Variants in ZDHHC21 observed in about 807,000 individuals in gnomAD.
ZDHHC21 encodes the protein zDHHC palmitoyltransferase 21.
A neutral mutation model predicts 34.6 loss-of-function variants in ZDHHC21; 15 were observed. The ratio of observed to expected loss-of-function variants is 0.43; its 90% CI spans 0.29 to 0.67. The LOEUF is 0.67. Ranked by LOEUF, ZDHHC21 falls within the 30% of genes least tolerant of loss-of-function variation. The pLI, the probability that ZDHHC21 is intolerant of heterozygous loss-of-function variation, is 0.14. For synonymous variants in ZDHHC21, 142 were observed against 101.8 expected (o/e 1.40, Z -2.38); for missense variants, 344 against 327.7 (o/e 1.05, Z -0.38).
At chr9:14,662,390 A>T (rs1047968894) in intron 5 of ZDHHC21, 64 bp from the exon 6 acceptor site, 5 of 1,236,004 alleles carry the variant, frequency 4.0e-6, no homozygotes, top group Non-Finnish European at 5.7e-6. Flanking sequence ...ATTTACCAAC[A>T]GTTGTTTAGA....
chr9:14,589,285 A>G, the ZDHHC21 span: 1 of 152,194 alleles, frequency 6.6e-6, no homozygotes, highest in South Asian at 2.1e-4. Flanking sequence ...GTAACAAGAA[A>G]GAATTGGAGA....
chr9:14,609,289 A>G (rs1370772707), downstream of ZDHHC21, among the ~76,000 whole-genome samples: 1 of 152,152 alleles, frequency 6.6e-6, no homozygotes, highest in Non-Finnish European at 1.5e-5. Flanking sequence ...TAATTGTATT[A>G]TTACTAAAGA....
At chr9:14,637,478 A>G (rs1828516489) in intron 8 of ZDHHC21, among the ~76,000 whole-genome samples, 1 of 152,096 alleles carries the variant, frequency 6.6e-6, no homozygotes, top group Admixed American at 6.5e-5. Context: ...TAAAATAAGT[A>G]GAACTAACAC....
chr9:14,684,716 T>C (rs1034980348), intron 2 of ZDHHC21, among the ~76,000 whole-genome samples: 2 of 146,476 alleles, frequency 1.4e-5, no homozygotes, highest in African/African-American at 4.9e-5. Context: ...AAAGCTCATA[T>C]GGAACCAAAA....
At chr9:14,596,918 A>T in the ZDHHC21 span, among the ~76,000 whole-genome samples, 9 of 152,074 alleles carry the variant, frequency 5.9e-5, no homozygotes, top group Non-Finnish European at 1.2e-4. Flanking sequence ...TGAGGCATGG[A>T]AGGAGAGAGA....
intron 3 of ZDHHC21, among the ~76,000 whole-genome samples, chr9:14,678,809 C>A (rs1836869516): frequency 6.6e-6 from 1 of 151,978 alleles, no homozygotes; most frequent in African/African-American, 2.4e-5. Context: ...TCTAATACAC[C>A]CATAGTGTAG....
chr9:14,591,157 A>G, the ZDHHC21 span, among the ~76,000 whole-genome samples: 11 of 152,146 alleles, frequency 7.2e-5, no homozygotes, highest in Non-Finnish European at 1.5e-4. Context: ...ATACTGAGTT[A>G]CTCCAAAAAA....
chr9:14,692,460 C>G (rs4237135), intron 1 of ZDHHC21, among the ~76,000 whole-genome samples: 152,050 of 152,240 alleles, frequency 1, 75,930 homozygotes, highest in Middle Eastern at 1. Flanking sequence ...TTTTTCTCTT[C>G]TACTTTTAGA....
chr9:14,596,450 C>T, the ZDHHC21 span, among the ~76,000 whole-genome samples: 1 of 152,148 alleles, frequency 6.6e-6, no homozygotes, highest in African/African-American at 2.4e-5. Flanking sequence ...CCTAGAAAAC[C>T]TTCCACATAC....
Position 14,619,116 on chromosome 9 carries a change from A to G in ZDHHC21, c.666-18T>C. ...GCCTCGATCTACAGAAGACAGCATT[A>G]TTAGTGAAAGACAGCACTCCCATGG... On this transcript the variant is annotated intron_variant, in intron 9 of 9. Coordinates refer to ENST00000380916, the MANE Select transcript of ZDHHC21 (RefSeq NM_178566.6). 6.3e-7 allele frequency: 1 copy of G among 1,589,852 alleles called. No homozygotes were observed. Among genetic ancestry groups the G allele is most frequent in the Non-Finnish European group, 8.6e-7 (1 of 1,169,046 alleles).
chr9:14,674,293 G>A lies in ZDHHC21; in HGVS notation c.48C>T (p.Cys16=), dbSNP rs1283871965. 2 of 1,597,906 alleles carry A rather than the reference G, an allele frequency of 1.3e-6. No homozygotes were observed. The highest frequency in any genetic ancestry group is 1.7e-6 in the Non-Finnish European group (2 of 1,174,120). ...ACCAAACAAAGACAATCAAACCCAT[G>A]CAGCACCAACCATGTGGGTCAACAA... is the stretch of plus-strand genomic sequence containing the variant. The part of the protein sequence containing the change: ...HFVVDPHGWC[C]MGLIVFVWLY... Residue 16 remains cysteine (C), a synonymous_variant, in exon 4 of 10, where the codon TGC becomes TGT. Coordinates refer to ENST00000380916, the MANE Select transcript of ZDHHC21 (RefSeq NM_178566.6).
intron 8 of ZDHHC21, among the ~76,000 whole-genome samples, chr9:14,620,091 G>C (rs762926304): frequency 2.6e-5 from 4 of 151,954 alleles, no homozygotes; most frequent in East Asian, 3.9e-4. Context: ...AACTGCCTAA[G>C]AGTCAGGGTG....
intron 8 of ZDHHC21, among the ~76,000 whole-genome samples, chr9:14,629,303 ATC>A (rs1170825174): frequency 2.6e-5 from 4 of 152,300 alleles, no homozygotes; most frequent in African/African-American, 9.6e-5. Flanking sequence ...TCATAACCAA[ATC>A]TCTCTACCTT....
intron 7 of ZDHHC21, among the ~76,000 whole-genome samples, chr9:14,640,730 T>C (rs1829233568): frequency 6.6e-6 from 1 of 152,134 alleles, no homozygotes; most frequent in South Asian, 2.1e-4. Flanking sequence ...CAGGGATGCA[T>C]GCAGAGTACT....
chr9:14,626,357 T>A (rs769385877), intron 8 of ZDHHC21, among the ~76,000 whole-genome samples: 5 of 151,922 alleles, frequency 3.3e-5, no homozygotes, highest in Non-Finnish European at 7.4e-5. Context: ...AAAATGAATA[T>A]CTAGGAAAAA....
At chr9:14,594,359 G>A in the ZDHHC21 span, among the ~76,000 whole-genome samples, 145 of 152,240 alleles carry the variant, frequency 9.5e-4, 2 homozygotes, top group African/African-American at 3.5e-3. Flanking sequence ...TTGTTATAAC[G>A]ATAAGAACAA....
At chr9:14,627,493 T>C (rs1054571535) in intron 8 of ZDHHC21, among the ~76,000 whole-genome samples, 30 of 152,294 alleles carry the variant, frequency 2.0e-4, no homozygotes, top group African/African-American at 6.5e-4. Context: ...TATTTTTTTG[T>C]TTGAGAATTT....
chr9:14,668,672 G>A (rs1346429997), intron 5 of ZDHHC21, among the ~76,000 whole-genome samples: 1 of 148,862 alleles, frequency 6.7e-6, no homozygotes, highest in Admixed American at 6.7e-5. Context: ...CAATGGAACA[G>A]AACAGAGCCC....
intron 5 of ZDHHC21, among the ~76,000 whole-genome samples, chr9:14,664,743 C>T (rs1230689682): frequency 2.0e-5 from 3 of 152,030 alleles, no homozygotes; most frequent in Admixed American, 6.5e-5. Context: ...GGCACACTGA[C>T]ATCTCACACA....
Sources: gnomAD v4.1 joint callset for allele counts (sites outside exome capture counted in the v4.1 genomes callset) on GRCh38, gnomAD v4.1.1 for gene constraint, MANE v1.5 for transcripts, NCBI Gene and HGNC (gene_info 2026-07-23, HGNC 2026-07-21) for gene names.